NET1: variants seen among roughly 807,000 people sequenced by gnomAD.
NET1 encodes the protein neuroepithelial cell-transforming gene 1 protein.
In NET1, 42 loss-of-function variants were observed where a neutral mutation model predicts 61.1. The observed-to-expected ratio is 0.69, with a 90% confidence interval of 0.54 to 0.89. The LOEUF (loss-of-function observed/expected upper bound fraction) is 0.89, where lower values mean the gene tolerates loss of function less well. NET1 is among the 40% of genes least tolerant of loss of function. The probability of loss-of-function intolerance (pLI) is 0.00; values close to 1 mark genes in which losing one functional copy is unlikely to be tolerated. For synonymous variants in NET1, 254 were observed against 281.8 expected (o/e 0.90, Z 0.99); for missense variants, 654 against 747.3 (o/e 0.88, Z 1.46).
Position 5,456,781 on chromosome 10 carries a change from C to T in NET1, c.1578C>T (p.His526=), listed in dbSNP as rs1017731678. 6.2e-7 allele frequency: 1 copy of T among 1,613,234 alleles called. No individual in the cohort carries two copies. Among genetic ancestry groups the T allele is most frequent in the African/African-American group, 1.3e-5 (1 of 75,002 alleles). Residue 526 remains histidine, a synonymous_variant, in exon 12 of 12, where the codon CAC becomes CAT. Transcript: ENST00000355029. This position sits in a 1 kb window ranked among gnomAD's most constrained non-coding sequence, Gnocchi z 7.0. The stretch of plus-strand genomic sequence containing the variant: ...TGCACGAAGAGTGTGAGGGGAACCA[C>T]CCCTCTGCGAGGAAACTCACAGCCC... ...PELHEECEGN[H]PSARKLTAQR...
At chr10:5,442,775 G>A (rs1832542804) in intron 3 of NET1, among the ~76,000 whole-genome samples, 2 of 151,830 alleles carry the variant, frequency 1.3e-5, no homozygotes, top group Non-Finnish European at 2.9e-5. Context: ...CACTCGGGAG[G>A]CTGAGGCATG....
rs746950171 is a variant in NET1, at chr10:5,453,331, A to G, written c.676A>G (p.Ile226Val). 9.9e-6 allele frequency: 16 copies of G among 1,609,462 alleles called. No individual in the cohort carries two copies. The South Asian group carries it at 1.4e-4, about 14-fold the overall frequency. Reference protein sequence around the residue: ...THIFGDLDSYIPLHEDLLTRI... With the variant: ...THIFGDLDSYVPLHEDLLTRI... Reference sequence around the variant, plus strand: ...TATATTTGGTGATCTGGACTCTTACATACCTCTGCATGAAGGTTAGATGTG... The same window carrying G: ...TATATTTGGTGATCTGGACTCTTACGTACCTCTGCATGAAGGTTAGATGTG... Residue 226 changes from isoleucine (I) to valine (V), a missense_variant, in exon 7 of 12, where the codon ATA (isoleucine) becomes GTA (valine). Ile to Val is a conservative substitution (Grantham distance 29). Transcript: ENST00000355029. The surrounding 1 kb of genome is among the most constrained non-coding windows in gnomAD (Gnocchi z 4.9).
Position 5,447,749 on chromosome 10 carries a change from T to TA in NET1, c.256-4081_256-4080insA. Among the ~76,000 whole-genome samples the TA allele has an allele frequency of 1.3e-5, 2 of 152,362 alleles. No individual in the cohort carries two copies. The highest frequency in any genetic ancestry group is 4.1e-4 in the South Asian group (2 of 4,830). On this transcript the variant is annotated intron_variant, in intron 3 of 11. Transcript: ENST00000355029. This position sits in a 1 kb window ranked among gnomAD's most constrained non-coding sequence, Gnocchi z 4.1. ...GCCGTCTTCAGGAAGTACACTTTTA[T>TA]TTGGTGTGGTTTGGCTTTGGTTTTT... is the stretch of plus-strand genomic sequence containing the variant.
rs1438064575 is a variant in NET1, at chr10:5,446,935, ATTAACAGTATAAT to A, written c.256-4892_256-4880del. On this transcript the variant is annotated intron_variant, in intron 3 of 11. Transcript: ENST00000355029. This position sits in a 1 kb window ranked among gnomAD's most constrained non-coding sequence, Gnocchi z 5.0. ...GAGCTTTTAAAATTTTTAACAAGGT[ATTAACAGTATAAT>A]TTTAAACTTTTGATCTTATTATTAC... The A allele has an allele frequency of 1.1e-5, 13 of 1,143,796 alleles. No homozygotes were observed. Among genetic ancestry groups the A allele is most frequent in the Non-Finnish European group, 1.6e-5 (13 of 808,318 alleles). 70.9% of individuals were successfully genotyped at this position (1,143,796 alleles called of 1,614,324 possible).
rs1466487786 is a variant in NET1, at chr10:5,431,900, G to C, written c.255+2671G>C. On this transcript the variant is annotated intron_variant, in intron 3 of 11. Coordinates refer to ENST00000355029, the MANE Select transcript of NET1 (RefSeq NM_001047160.3). The surrounding 1 kb of genome is among the most constrained non-coding windows in gnomAD (Gnocchi z 4.9). ...ATTACAGGCATGAGCCACCACGCCT[G>C]GCCTCATTTCAGTTATTCTTACTGA... Among the ~76,000 whole-genome samples, 1 of 152,096 alleles carries C rather than the reference G, an allele frequency of 6.6e-6. No individual in the cohort carries two copies. The highest frequency in any genetic ancestry group is 1.5e-5 in the Non-Finnish European group (1 of 68,008).
chr10:5,451,946 A>G lies in NET1; in HGVS notation c.363+9A>G. The G allele has an allele frequency of 6.3e-7, 1 of 1,594,388 alleles. No homozygotes were observed. On this transcript the variant is annotated intron_variant, in intron 4 of 11. Coordinates refer to ENST00000355029, the MANE Select transcript of NET1 (RefSeq NM_001047160.3). The surrounding 1 kb of genome is among the most constrained non-coding windows in gnomAD (Gnocchi z 6.1). ...TTGGTCAAACAATACAGGTAAAAAG[A>G]GAGGAGGAAGAGTAATGTAGTCAGC...
chr10:5,436,225 C>CATATATATAT (rs1411296575), intron 3 of NET1, among the ~76,000 whole-genome samples: 4 of 24,642 alleles, frequency 1.6e-4, no homozygotes, highest in African/African-American at 5.8e-4. Flanking sequence ...TGTGTGTGTG[C>CATATATATAT]ATATATATAT....
Position 5,453,603 on chromosome 10 carries a change from T to A in NET1, c.768+43T>A. The A allele has an allele frequency of 6.5e-7, 1 of 1,528,812 alleles. No homozygotes were observed. Among genetic ancestry groups the A allele is most frequent in the Non-Finnish European group, 9.1e-7 (1 of 1,102,336 alleles). The allele number at this position is 1,528,812 out of a possible 1,614,324, so 94.7% of individuals were successfully genotyped here. ...GACCCCAGATACAGTTTCTTACAGATGTGCCATGTTGCAGTTTCTGATGAA... is the reference window on the plus strand; with the variant it reads ...GACCCCAGATACAGTTTCTTACAGAAGTGCCATGTTGCAGTTTCTGATGAA... On this transcript the variant is annotated intron_variant, in intron 8 of 11. Transcript: ENST00000355029. This position sits in a 1 kb window ranked among gnomAD's most constrained non-coding sequence, Gnocchi z 4.9.
intron 3 of NET1, among the ~76,000 whole-genome samples, chr10:5,430,876 T>TC (rs1231786888): frequency 1.1e-4 from 1 of 9,496 alleles, no homozygotes; most frequent in African/African-American, 1.3e-3. Context: ...ACTATATCTC[T>TC]TTTTTTTTTT....
chr10:5,419,126 A>G (rs1176208277), intron 1 of NET1, among the ~76,000 whole-genome samples: 1 of 152,222 alleles, frequency 6.6e-6, no homozygotes, highest in Non-Finnish European at 1.5e-5. Context: ...TCACTATAAA[A>G]TATCCCTCTT....
intron 3 of NET1, among the ~76,000 whole-genome samples, chr10:5,442,768 T>C (rs1044549662): frequency 6.6e-6 from 1 of 151,358 alleles, no homozygotes; most frequent in African/African-American, 2.4e-5. Context: ...GATGGCACAC[T>C]CGGGAGGCTG....
Position 5,435,567 on chromosome 10 carries a change from T to C in NET1, c.255+6338T>C, listed in dbSNP as rs1182004867. ...CAGATAGATAGATAGATAGATAAAA[T>C]AGATACTCCGTAAATATTGAATTAA... is the stretch of plus-strand genomic sequence containing the variant. On this transcript the variant is annotated intron_variant, in intron 3 of 11. Transcript: ENST00000355029. This position sits in a 1 kb window ranked among gnomAD's most constrained non-coding sequence, Gnocchi z 5.0. Among the ~76,000 whole-genome samples the C allele has an allele frequency of 6.6e-6, 1 of 150,770 alleles. No individual in the cohort carries two copies. Among genetic ancestry groups the C allele is most frequent in the East Asian group, 1.9e-4 (1 of 5,146 alleles).
chr10:5,419,534 A>G (rs1247780568), intron 1 of NET1, among the ~76,000 whole-genome samples: 1 of 151,868 alleles, frequency 6.6e-6, no homozygotes, highest in Non-Finnish European at 1.5e-5. Flanking sequence ...TAGCATTTGA[A>G]TTTCTTTACT....
In NET1 at chr10:5,453,322, G is replaced by A; in HGVS notation, c.667G>A (p.Asp223Asn). The A allele has an allele frequency of 1.2e-6, 2 of 1,611,724 alleles. No homozygotes were observed. The highest frequency in any genetic ancestry group is 1.7e-6 in the Non-Finnish European group (2 of 1,177,882). ...ACTCACACATATATTTGGTGATCTG[G>A]ACTCTTACATACCTCTGCATGAAGG... Reference protein sequence around the residue: ...EELTHIFGDLDSYIPLHEDLL... With the variant: ...EELTHIFGDLNSYIPLHEDLL... Residue 223 changes from aspartate (D) to asparagine (N), a missense_variant, in exon 7 of 12, where the codon GAC (aspartate) becomes AAC (asparagine). Coordinates refer to ENST00000355029, the MANE Select transcript of NET1 (RefSeq NM_001047160.3). This position sits in a 1 kb window ranked among gnomAD's most constrained non-coding sequence, Gnocchi z 4.9.
Position 5,458,257 on chromosome 10 carries a change from T to C in NET1, c.*1263T>C, listed in dbSNP as rs190343934. On this transcript the variant is annotated 3_prime_UTR_variant, in exon 12 of 12. Coordinates refer to ENST00000355029, the MANE Select transcript of NET1 (RefSeq NM_001047160.3). This position sits in a 1 kb window ranked among gnomAD's most constrained non-coding sequence, Gnocchi z 4.5. ...ATCTTTTATTACAAAATGTTTCTGTTAAAATGGGATCATCATCTTTGAAAG... is the reference window on the plus strand; with the variant it reads ...ATCTTTTATTACAAAATGTTTCTGTCAAAATGGGATCATCATCTTTGAAAG... The C allele has an allele frequency of 6.6e-6, 1 of 152,432 alleles. No homozygotes were observed. The highest frequency in any genetic ancestry group is 1.9e-4 in the East Asian group (1 of 5,184). 9.4% of individuals were successfully genotyped at this position (152,432 alleles called of 1,614,324 possible).
chr10:5,436,562 T>C (rs1203652871), intron 3 of NET1, among the ~76,000 whole-genome samples: 1 of 151,904 alleles, frequency 6.6e-6, no homozygotes, highest in Non-Finnish European at 1.5e-5. Context: ...AGTATTGGTA[T>C]ACTCTGCCAT....
At chr10:5,436,410 G>T (rs1832439937) in intron 3 of NET1, among the ~76,000 whole-genome samples, 1 of 149,804 alleles carries the variant, frequency 6.7e-6, no homozygotes, top group Non-Finnish European at 1.5e-5. Context: ...GGTTAATTTT[G>T]TGTTTTTAGT....
At position 5,446,575 on chromosome 10, in the gene NET1, G is replaced by A. The variant is rs1832612784; in HGVS notation, c.256-5255G>A. The A allele has an allele frequency of 8.5e-7, 1 of 1,180,844 alleles. No individual in the cohort carries two copies. The highest frequency in any genetic ancestry group is 1.0e-6 in the Non-Finnish European group (1 of 955,184). The allele number at this position is 1,180,844 out of a possible 1,614,324, so 73.1% of individuals were successfully genotyped here. A position where few individuals can be genotyped will look rare whatever the true frequency, so the allele number is the denominator to read the frequency against. On this transcript the variant is annotated intron_variant, in intron 3 of 11. Coordinates refer to ENST00000355029, the MANE Select transcript of NET1 (RefSeq NM_001047160.3). The surrounding 1 kb of genome is among the most constrained non-coding windows in gnomAD (Gnocchi z 5.0). The stretch of plus-strand genomic sequence containing the variant: ...CGGTTGGCTGTGGCCCCGCCCCCGA[G>A]CCCTGGGGTCGGTGCTTGCTGCCTG...
intron 3 of NET1, among the ~76,000 whole-genome samples, chr10:5,432,703 T>C (rs1832368237): frequency 6.7e-6 from 1 of 149,198 alleles, no homozygotes; most frequent in African/African-American, 2.5e-5. Flanking sequence ...ACTCACTCTT[T>C]CAGATGAAAT....
Sources: gnomAD v4.1 joint callset for allele counts (sites outside exome capture counted in the v4.1 genomes callset) on GRCh38, gnomAD v4.1.1 for gene constraint, Gnocchi (gnomAD v3.1) non-coding constraint, MANE v1.5 for transcripts, NCBI Gene and HGNC (gene_info 2026-07-23, HGNC 2026-07-21) for gene names.